LRRC72: variants seen among roughly 807,000 people sequenced by gnomAD.
LRRC72 encodes leucine-rich repeat-containing protein 72.
LRRC72 carries 41 observed loss-of-function variants against 35.8 expected under a neutral mutation model. That is an observed-to-expected ratio of 1.15 (90% confidence interval 0.89 to 1.49). LRRC72 has a LOEUF of 1.49. Among genes scored for constraint, LRRC72 ranks in the 40% most tolerant of loss-of-function variants. The pLI is 0.00. For synonymous variants in LRRC72, 118 were observed against 119.2 expected (o/e 0.99, Z 0.07); for missense variants, 389 against 330.7 (o/e 1.18, Z -1.37).
At chr7:16,534,581 G>A (rs1344298814) in intron 2 of LRRC72, among the ~76,000 whole-genome samples, 1 of 152,070 alleles carries the variant, frequency 6.6e-6, no homozygotes, top group Admixed American at 6.6e-5. Flanking sequence ...AAGTTTTAGT[G>A]TATTAAAACA....
At chr7:16,559,395 G>GAA (rs1005393032) in intron 5 of LRRC72, among the ~76,000 whole-genome samples, 1 of 142,278 alleles carries the variant, frequency 7.0e-6, no homozygotes. Context: ...CCCTGTCTCA[G>GAA]AAAAAAAAAA....
At chr7:16,580,025 C>A in intron 7 of LRRC72, 49 bp from the exon 8 acceptor site, 1 of 385,414 alleles carries the variant, frequency 2.6e-6, no homozygotes, top group South Asian at 2.3e-5. Context: ...TTTTTAAATG[C>A]TGGATAAATA....
chr7:16,570,475 C>T (rs1022708089), intron 7 of LRRC72, among the ~76,000 whole-genome samples: 5 of 152,084 alleles, frequency 3.3e-5, no homozygotes, highest in Admixed American at 6.6e-5. Context: ...TCCTGTTAAC[C>T]ATAATGTCAC....
intron 1 of LRRC72, chr7:16,530,407 C>T (rs989578715): frequency 2.0e-5 from 3 of 152,246 alleles, no homozygotes; most frequent in African/African-American, 7.2e-5. Context: ...ATAATATCCA[C>T]CCCTGTTGGC....
chr7:16,544,827 C>T (rs1328675842), intron 3 of LRRC72, among the ~76,000 whole-genome samples: 2 of 152,206 alleles, frequency 1.3e-5, no homozygotes, highest in African/African-American at 4.8e-5. Context: ...TCTAATGCCT[C>T]ACCAAGCAAG....
intron 1 of LRRC72, among the ~76,000 whole-genome samples, chr7:16,529,282 T>C (rs73295288): frequency 0.091 from 13,834 of 152,220 alleles, 771 homozygotes; most frequent in African/African-American, 0.15. Flanking sequence ...GCGCTTACTC[T>C]CCTCTTCCAC....
intron 5 of LRRC72, among the ~76,000 whole-genome samples, chr7:16,563,605 T>G (rs1296234947): frequency 6.6e-6 from 1 of 152,224 alleles, no homozygotes; most frequent in Non-Finnish European, 1.5e-5. Flanking sequence ...GAAACTGATT[T>G]CACATCTTAG....
chr7:16,581,310 CT>C lies in LRRC72; in HGVS notation c.699-5del, dbSNP rs201261491. The C allele has an allele frequency of 4.0e-4, 551 of 1,383,198 alleles. No homozygotes were observed. The highest frequency in any genetic ancestry group is 1.8e-3 in the Admixed American group (56 of 31,032). 85.7% of individuals were successfully genotyped at this position (1,383,198 alleles called of 1,614,324 possible). On this transcript the variant is annotated splice_polypyrimidine_tract_variant and intron_variant, in intron 8 of 8. Transcript: ENST00000401542. ...GATTGCTTTTTTTCTGACATAATTG[CT>C]TTTTTTTTGCAGAACTGTGCTTGAT...
At chr7:16,566,901 A>T (rs1203169445) in intron 6 of LRRC72, among the ~76,000 whole-genome samples, 1 of 152,094 alleles carries the variant, frequency 6.6e-6, no homozygotes, top group Non-Finnish European at 1.5e-5. Context: ...GCACACACAC[A>T]CACAATCAAC....
intron 4 of LRRC72, among the ~76,000 whole-genome samples, chr7:16,558,607 T>C (rs939777774): frequency 6.6e-6 from 1 of 151,726 alleles, no homozygotes; most frequent in Non-Finnish European, 1.5e-5. Context: ...TGAAACTCCA[T>C]CTCAAAAAAT....
intron 3 of LRRC72, among the ~76,000 whole-genome samples, chr7:16,545,996 T>C (rs1395529231): frequency 1.3e-5 from 2 of 152,194 alleles, no homozygotes; most frequent in Non-Finnish European, 2.9e-5. Flanking sequence ...AAGTACCGTA[T>C]ATTATATTTT....
intron 4 of LRRC72, among the ~76,000 whole-genome samples, chr7:16,557,998 C>T (rs970308501): frequency 1.4e-5 from 2 of 140,054 alleles, no homozygotes; most frequent in Non-Finnish European, 3.1e-5. Context: ...TGTCATGCAC[C>T]GCTAAGAAAG....
intron 5 of LRRC72, among the ~76,000 whole-genome samples, chr7:16,562,553 G>GA (rs756401459): frequency 1.8e-4 from 28 of 152,312 alleles, no homozygotes; most frequent in Admixed American, 9.2e-4. Flanking sequence ...TCAGCCTTGG[G>GA]AACAGGGAGT....
At chr7:16,580,571 G>T (rs1348368224) in intron 8 of LRRC72, among the ~76,000 whole-genome samples, 1 of 152,198 alleles carries the variant, frequency 6.6e-6, no homozygotes, top group African/African-American at 2.4e-5. Flanking sequence ...TTGAACCCAG[G>T]AGGCAGAAGT....
In LRRC72 at chr7:16,580,061, A is replaced by AT. The variant is rs747658753; in HGVS notation, c.671-3dup. On this transcript the variant is annotated splice_polypyrimidine_tract_variant and intron_variant, in intron 7 of 8. Transcript: ENST00000401542. ...TTTTAAAATACTAACTTTAAAATGT[A>AT]TTTTTTTTTTAGATTTTGCATTTGC... The AT allele has an allele frequency of 5.8e-3, 2,299 of 395,452 alleles. 1 individual carries two copies. Among genetic ancestry groups the AT allele is most frequent in the South Asian group, 9.9e-3 (390 of 39,528 alleles). The allele number at this position is 395,452 out of a possible 1,614,324, so 24.5% of individuals were successfully genotyped here.
At chr7:16,531,881 C>T (rs1317847389) in intron 1 of LRRC72, among the ~76,000 whole-genome samples, 2 of 152,208 alleles carry the variant, frequency 1.3e-5, no homozygotes, top group Non-Finnish European at 2.9e-5. Context: ...CAAAAATTCT[C>T]ACAGCATGAG....
intron 7 of LRRC72, among the ~76,000 whole-genome samples, chr7:16,577,767 C>G (rs1783067634): frequency 6.6e-6 from 1 of 151,838 alleles, no homozygotes; most frequent in Non-Finnish European, 1.5e-5. Context: ...GACATATATA[C>G]AAAGAAAGAA....
At chr7:16,559,543 G>A (rs1053620770) in intron 5 of LRRC72, among the ~76,000 whole-genome samples, 1 of 152,106 alleles carries the variant, frequency 6.6e-6, no homozygotes, top group Admixed American at 6.5e-5. Flanking sequence ...AGTAGCAAGA[G>A]GATTTACATG....
chr7:16,535,747 T>A (rs1782242845), intron 2 of LRRC72, among the ~76,000 whole-genome samples: 1 of 152,236 alleles, frequency 6.6e-6, no homozygotes, highest in African/African-American at 2.4e-5. Context: ...ACCACCCATG[T>A]AATTGAGAAG....
Sources: allele counts gnomAD v4.1 joint callset (sites outside exome capture counted in the v4.1 genomes callset), GRCh38; gene constraint gnomAD v4.1.1; transcripts MANE v1.5; gene names NCBI Gene and HGNC (gene_info 2026-07-23, HGNC 2026-07-21).